The following UTP20 variants were observed in gnomAD, a reference collection of about 807,000 sequenced individuals.
The protein encoded by UTP20 is small subunit processome component 20 homolog.
A neutral mutation model predicts 329.5 loss-of-function variants in UTP20; 164 were observed. That is an observed-to-expected ratio of 0.50 (90% CI 0.44 to 0.57). The LOEUF (loss-of-function observed/expected upper bound fraction) is 0.57, where lower values mean the gene tolerates loss of function less well. UTP20 is among the 20% of genes least tolerant of loss of function. The pLI is 0.00. For synonymous variants in UTP20, 1,151 were observed against 1,159.3 expected, an observed-to-expected ratio of 0.99 and a Z score of 0.14; for missense variants, 3,055 against 3,284.2, an observed-to-expected ratio of 0.93 and a Z score of 1.71.
At chr12:101,299,646 T>C in intron 12 of UTP20, 36 bp from the exon 13 acceptor site, 1 of 1,528,846 alleles carries the variant, frequency 6.5e-7, no homozygotes, top group Non-Finnish European at 8.8e-7. Flanking sequence ...GCGATTACAT[T>C]CTCTGTTATT....
chr12:101,330,134 G>A (rs1474370952), intron 27 of UTP20, among the ~76,000 whole-genome samples: 1 of 152,104 alleles, frequency 6.6e-6, no homozygotes, highest in Non-Finnish European at 1.5e-5. Flanking sequence ...AATGTAAGAC[G>A]AGGAAATATA....
chr12:101,367,735 GTTT>G (rs1199981538), intron 47 of UTP20, 122 bp from the exon 48 acceptor site: 1 of 674,358 alleles, frequency 1.5e-6, no homozygotes, highest in Non-Finnish European at 2.6e-6. Flanking sequence ...CCTTAAAAAT[GTTT>G]TATCATTTCT....
intron 30 of UTP20, among the ~76,000 whole-genome samples, 185 bp from the exon 31 acceptor site, chr12:101,338,628 G>A (rs999429056): frequency 6.6e-6 from 1 of 152,090 alleles, no homozygotes; most frequent in Admixed American, 6.5e-5. Context: ...TCTTGATTTA[G>A]CTAGTAATAT....
At chr12:101,368,325 G>A (rs1318222260) in intron 48 of UTP20, among the ~76,000 whole-genome samples, 2 of 151,902 alleles carry the variant, frequency 1.3e-5, no homozygotes, top group Non-Finnish European at 2.9e-5. Context: ...TAGACACGGG[G>A]TTTCATCTTG....
chr12:101,324,136 C>G (rs1868471904), intron 25 of UTP20, among the ~76,000 whole-genome samples: 1 of 131,680 alleles, frequency 7.6e-6, no homozygotes, highest in Non-Finnish European at 1.7e-5. Context: ...GACTCTGTCT[C>G]AAAAAAATAA....
chr12:101,357,111 A>T, intron 43 of UTP20, 29 bp downstream of exon 43: 1 of 1,586,614 alleles, frequency 6.3e-7, no homozygotes, highest in Non-Finnish European at 8.6e-7. Context: ...TTTATATTCA[A>T]GTTGTATTGG....
chr12:101,341,109 G>A (rs144518926), intron 32 of UTP20, among the ~76,000 whole-genome samples: 2,825 of 151,592 alleles, frequency 0.019, 52 homozygotes, highest in African/African-American at 0.049. Flanking sequence ...CCAAGTAGCT[G>A]GGAATACAGG....
rs765574330 is a variant in UTP20, at chr12:101,321,572, A to G, written c.2984A>G (p.Glu995Gly). 1.5e-5 allele frequency: 25 copies of G among 1,613,628 alleles called. No individual in the cohort carries two copies. The highest frequency in any genetic ancestry group is 2.1e-5 in the Non-Finnish European group (25 of 1,179,800). Reference protein sequence around the residue: ...KEEIVHFSISEDNAVVKTAHR... With the variant: ...KEEIVHFSISGDNAVVKTAHR... ...GAGATAGTGCATTTTAGCATTTCAG[A>G]AGATAATGCTGTAGTGAAAACAGCC... Residue 995 changes from glutamate (E) to glycine (G), a missense_variant, in exon 25 of 62, where the codon GAA becomes GGA. Glu to Gly is a moderately conservative substitution (Grantham distance 98). Transcript: ENST00000261637.
At chr12:101,383,709 A>T in intron 60 of UTP20, 40 bp downstream of exon 60, 2 of 1,454,892 alleles carry the variant, frequency 1.4e-6, no homozygotes, top group Non-Finnish European at 1.8e-6. Flanking sequence ...TTTGCACATG[A>T]GGATTTCTAA....
chr12:101,336,452 T>C (rs1359147447), intron 29 of UTP20, among the ~76,000 whole-genome samples: 1 of 152,160 alleles, frequency 6.6e-6, no homozygotes. Flanking sequence ...CAAAAACTTA[T>C]TAATTAGGGT....
chr12:101,306,662 A>C, intron 16 of UTP20, 37 bp from the exon 17 acceptor site: 1 of 1,572,786 alleles, frequency 6.4e-7, no homozygotes, highest in Non-Finnish European at 8.6e-7. Flanking sequence ...TTATGGTTAA[A>C]CTTTGGAATT....
At chr12:101,360,715 G>T (rs376564241) in intron 43 of UTP20, among the ~76,000 whole-genome samples, 7 of 152,226 alleles carry the variant, frequency 4.6e-5, no homozygotes, top group East Asian at 1.9e-4. Flanking sequence ...TGTAATCCCA[G>T]CTACTCGGGA....
intron 57 of UTP20, among the ~76,000 whole-genome samples, 157 bp from the exon 58 acceptor site, chr12:101,380,983 C>T (rs1318556257): frequency 1.3e-5 from 2 of 151,918 alleles, no homozygotes; most frequent in East Asian, 1.9e-4. Flanking sequence ...CAGTACACCA[C>T]TTCTGGTCAT....
In UTP20 at chr12:101,299,801, A is replaced by G. The variant is rs1872468401; in HGVS notation, c.1550A>G (p.Gln517Arg). The G allele has an allele frequency of 6.2e-7, 1 of 1,612,154 alleles. No homozygotes were observed. The highest frequency in any genetic ancestry group is 1.1e-5 in the South Asian group (1 of 90,354). The change falls in exon 13 of 62, where the codon CAA (glutamine) becomes CGA (arginine). Residue 517 changes from glutamine (Q) to arginine (R), a missense_variant. Coordinates refer to ENST00000261637, the MANE Select transcript of UTP20 (RefSeq NM_014503.3). ...PPNKDTTYLS[Q>R]SWAALVVLPH... The stretch of plus-strand genomic sequence containing the variant: ...AATAAAGATACTACTTACCTTTCAC[A>G]ATCTTGGGCAGCCCTCGTGGTGTTA...
In UTP20 at chr12:101,365,495, A is replaced by C; in HGVS notation, c.5995A>C (p.Lys1999Gln). The C allele has an allele frequency of 6.2e-7, 1 of 1,610,194 alleles. No individual in the cohort carries two copies. Among genetic ancestry groups the C allele is most frequent in the Non-Finnish European group, 8.5e-7 (1 of 1,179,086 alleles). The change falls in exon 46 of 62, where the codon AAA (lysine) becomes CAA (glutamine). Residue 1999 changes from lysine to glutamine, a missense_variant. Physicochemically the swap from Lys to Gln is moderately conservative, Grantham distance 53 (BLOSUM62 1). Transcript: ENST00000261637. ...TACCACGAGTTTGAAACTGGCCCGGAAAGTTCATGAAACTTTACGCCGAAT... is the reference window on the plus strand; with the variant it reads ...TACCACGAGTTTGAAACTGGCCCGGCAAGTTCATGAAACTTTACGCCGAAT... ...QNTTSLKLAR[K>Q]VHETLRRITV...
At chr12:101,380,581 G>A (rs551556752) in intron 57 of UTP20, among the ~76,000 whole-genome samples, 2 of 152,020 alleles carry the variant, frequency 1.3e-5, no homozygotes, top group South Asian at 4.2e-4. Context: ...GTAGAGGATT[G>A]GCCGGGTGTG....
chr12:101,373,837 A>G (rs986851255), intron 54 of UTP20, 70 bp downstream of exon 54: 2 of 1,511,336 alleles, frequency 1.3e-6, no homozygotes, highest in African/African-American at 2.8e-5. Context: ...AAGTAAGAAT[A>G]TATGTCATAC....
intron 43 of UTP20, among the ~76,000 whole-genome samples, chr12:101,357,737 G>T (rs949948606): frequency 1.3e-5 from 2 of 152,200 alleles, no homozygotes; most frequent in African/African-American, 4.8e-5. Flanking sequence ...CTGGGCTGCA[G>T]AGTGAAACCC....
chr12:101,341,904 CA>C, intron 32 of UTP20, among the ~76,000 whole-genome samples: 1 of 151,822 alleles, frequency 6.6e-6, no homozygotes, highest in Non-Finnish European at 1.5e-5. Flanking sequence ...GACTCCATCT[CA>C]AAAAATATAT....
Sources: allele counts gnomAD v4.1 joint callset (sites outside exome capture counted in the v4.1 genomes callset), GRCh38; gene constraint gnomAD v4.1.1; transcripts MANE v1.5; gene names NCBI Gene and HGNC (gene_info 2026-07-23, HGNC 2026-07-21).